The following HCLS1 variants were observed in gnomAD, a reference collection of about 807,000 sequenced individuals.
The protein encoded by HCLS1 is hematopoietic lineage cell-specific protein.
A neutral mutation model predicts 68.6 loss-of-function variants in HCLS1; 44 were observed. That is an observed-to-expected ratio of 0.64 (90% CI 0.50 to 0.82). HCLS1 has a LOEUF of 0.82. Among genes scored for constraint, HCLS1 ranks in the 40% least tolerant of loss-of-function variants. The probability of loss-of-function intolerance (pLI) is 0.00; values close to 1 mark genes in which losing one functional copy is unlikely to be tolerated. For missense variants in HCLS1, 602 were observed against 612.1 expected (o/e 0.98, Z 0.17); for synonymous variants, 217 against 225.8 (o/e 0.96, Z 0.35).
At position 121,632,104 on chromosome 3, in the gene HCLS1, C is replaced by T; in HGVS notation, c.1321G>A (p.Gly441Arg). ...ISAVAVYDYQ[G>R]EGSDELSFDP... Reference sequence around the variant, plus strand: ...CCTCGGGCCACTCCCAACCTACCTCCTTGGTAATCATATACAGCCACAGCT... The same window carrying T: ...CCTCGGGCCACTCCCAACCTACCTCTTTGGTAATCATATACAGCCACAGCT... Residue 441 changes from glycine (G) to arginine (R), a missense_variant, in exon 13 of 14, where the codon GGA becomes AGA. Transcript: ENST00000314583. 3.1e-6 allele frequency: 5 copies of T among 1,614,058 alleles called. No homozygotes were observed. Among genetic ancestry groups the T allele is most frequent in the Non-Finnish European group, 4.2e-6 (5 of 1,179,990 alleles).
rs768758074 is a variant in HCLS1, at chr3:121,631,927, C to T, written c.1380G>A (p.Met460Ile). The change falls in exon 14 of 14, where the codon ATG (methionine) becomes ATA (isoleucine). Residue 460 changes from methionine to isoleucine, a missense_variant. By Grantham distance (10) the Met-to-Ile change is conservative (BLOSUM62 1). Coordinates refer to ENST00000314583, the MANE Select transcript of HCLS1 (RefSeq NM_005335.6). ...DPDDVITDIE[M>I]VDEGWWRGRC... ...GTCCCCGCCACCAGCCCTCGTCCAC[C>T]ATCTCAATGTCAGTGATTACGTCGT... 5.0e-6 allele frequency: 8 copies of T among 1,614,214 alleles called. No individual in the cohort carries two copies. Among genetic ancestry groups the T allele is most frequent in the Middle Eastern group, 1.6e-4 (1 of 6,062 alleles).
intron 3 of HCLS1, among the ~76,000 whole-genome samples, chr3:121,655,287 G>A (rs1479152838): frequency 6.6e-6 from 1 of 151,950 alleles, no homozygotes; most frequent in Non-Finnish European, 1.5e-5. Flanking sequence ...ATTTTAGAAA[G>A]GAAATCTGAT....
chr3:121,649,725 G>A (rs150308839), intron 3 of HCLS1, among the ~76,000 whole-genome samples: 2 of 152,294 alleles, frequency 1.3e-5, no homozygotes, highest in African/African-American at 4.8e-5. Flanking sequence ...AGAAACTTTT[G>A]ACATATTAAC....
In HCLS1 at chr3:121,658,330, C is replaced by T; in HGVS notation, c.18G>A (p.Val6=). 15 of 1,613,490 alleles carry T rather than the reference C, an allele frequency of 9.3e-6. No individual in the cohort carries two copies. Among genetic ancestry groups the T allele is most frequent in the Non-Finnish European group, 1.3e-5 (15 of 1,179,524 alleles). The change falls in exon 2 of 14, where the codon GTG becomes GTA. Residue 6 remains valine (V), a synonymous_variant. Transcript: ENST00000314583. ...CCACGGAAACAGACACATCATGGCC[C>T]ACTACAGACTTCCACATCTGAGAGT... MWKSV[V]GHDVSVSVET...
At chr3:121,643,051 T>C (rs2107467579) in intron 5 of HCLS1, 70 bp from the exon 6 acceptor site, 1 of 1,256,792 alleles carries the variant, frequency 8.0e-7, no homozygotes, top group African/African-American at 1.5e-5. Flanking sequence ...AACCTCCCCT[T>C]ACTCCCAGCC....
At position 121,636,594 on chromosome 3, in the gene HCLS1, A is replaced by C. The variant is rs1042396043; in HGVS notation, c.566-105T>G. Reference sequence around the variant, plus strand: ...CAGGAATGTGGAAAACAAATGTAGGAGGAAATGTGAGAATCAGAGGATAGA... The same window carrying C: ...CAGGAATGTGGAAAACAAATGTAGGCGGAAATGTGAGAATCAGAGGATAGA... On this transcript the variant is annotated intron_variant, in intron 7 of 13. Transcript: ENST00000314583. 4 of 860,754 alleles carry C rather than the reference A, an allele frequency of 4.6e-6. No individual in the cohort carries two copies. The African/African-American group carries it at 6.6e-5, about 14-fold the overall frequency. 53.3% of individuals were successfully genotyped at this position (860,754 alleles called of 1,614,324 possible).
intron 3 of HCLS1, among the ~76,000 whole-genome samples, chr3:121,651,430 T>C (rs1391419619): frequency 6.6e-6 from 1 of 152,134 alleles, no homozygotes; most frequent in Non-Finnish European, 1.5e-5. Flanking sequence ...GTTGTTGTTG[T>C]TGTTGTTTTG....
In HCLS1 at chr3:121,657,151, C is replaced by A. The variant is rs1402379590; in HGVS notation, c.158+128G>T. On this transcript the variant is annotated intron_variant, in intron 3 of 13. Transcript: ENST00000314583. The stretch of plus-strand genomic sequence containing the variant: ...ACAGGAACAGACTCTAGAAAAAAAA[C>A]AAACACAATAATACATAGACATGAA... 1.2e-5 allele frequency: 9 copies of A among 730,264 alleles called. No individual in the cohort carries two copies. The Middle Eastern group carries it at 1.7e-3, about 141-fold the overall frequency. The allele number at this position is 730,264 out of a possible 1,614,324, so 45.2% of individuals were successfully genotyped here.
At chr3:121,646,868 A>G (rs545313596) in intron 4 of HCLS1, among the ~76,000 whole-genome samples, 40 of 143,842 alleles carry the variant, frequency 2.8e-4, no homozygotes, top group African/African-American at 9.3e-4. Flanking sequence ...ATACTTATAT[A>G]TAGTTGGCTC....
At chr3:121,659,133 G>C (rs1576223705) in intron 1 of HCLS1, among the ~76,000 whole-genome samples, 1 of 152,212 alleles carries the variant, frequency 6.6e-6, no homozygotes, top group Non-Finnish European at 1.5e-5. Flanking sequence ...TGAACATTAA[G>C]AGGTACTCAG....
At chr3:121,642,198 A>G (rs1232845004) in intron 6 of HCLS1, among the ~76,000 whole-genome samples, 1 of 147,598 alleles carries the variant, frequency 6.8e-6, no homozygotes, top group Non-Finnish European at 1.5e-5. Flanking sequence ...GGTGGCTCAC[A>G]CCTATAATCC....
Position 121,658,266 on chromosome 3 carries a change from C to T in HCLS1, c.82G>A (p.Val28Met), listed in dbSNP as rs748843375. Residue 28 changes from valine (V) to methionine (M), a missense_variant and splice_region_variant, in exon 2 of 14, where the codon GTG becomes ATG. Physicochemically the swap from Val to Met is conservative, Grantham distance 21. Coordinates refer to ENST00000314583, the MANE Select transcript of HCLS1 (RefSeq NM_005335.6). ...GDDWDTDPDF[V>M]NDISEKEQRW... ...AGCAAAGCTACTTCCAAACTCACCA[C>T]AAAGTCAGGATCTGTGTCCCAATCA... The T allele has an allele frequency of 1.2e-6, 2 of 1,613,302 alleles. No individual in the cohort carries two copies. Among genetic ancestry groups the T allele is most frequent in the East Asian group, 2.2e-5 (1 of 44,870 alleles).
chr3:121,633,639 A>C (rs1377824397), intron 10 of HCLS1, among the ~76,000 whole-genome samples: 1 of 152,032 alleles, frequency 6.6e-6, no homozygotes, highest in Non-Finnish European at 1.5e-5. Context: ...TTGGGCTCAA[A>C]CAATCCTCCT....
At chr3:121,647,078 T>C (rs372553631) in intron 4 of HCLS1, among the ~76,000 whole-genome samples, 9 of 150,044 alleles carry the variant, frequency 6.0e-5, no homozygotes, top group South Asian at 2.1e-4. Context: ...GCCTCCCAGG[T>C]TCACGCCATT....
At chr3:121,644,761 G>T in intron 5 of HCLS1, 57 bp downstream of exon 5, 1 of 1,199,128 alleles carries the variant, frequency 8.3e-7, no homozygotes, top group Non-Finnish European at 1.2e-6. Context: ...AGGGGTGATC[G>T]TGGGCAATTT....
chr3:121,659,216 G>A (rs1157522071), intron 1 of HCLS1, among the ~76,000 whole-genome samples: 4 of 152,188 alleles, frequency 2.6e-5, no homozygotes, highest in African/African-American at 4.8e-5. Flanking sequence ...AACTTATTCT[G>A]CTGGGGCATT....
Position 121,642,972 on chromosome 3 carries a change from C to T in HCLS1, c.409G>A (p.Gly137Ser), listed in dbSNP as rs565653779. 252 of 1,612,792 alleles carry T rather than the reference C, an allele frequency of 1.6e-4. 2 individuals carry two copies. In the South Asian group the frequency reaches 2.6e-3, roughly 17 times the overall value. The change falls in exon 6 of 14, where the codon GGC (glycine) becomes AGC (serine). Residue 137 changes from glycine to serine, a missense_variant. By Grantham distance (56) the Gly-to-Ser change is moderately conservative (BLOSUM62 0). Transcript: ENST00000314583. The stretch of plus-strand genomic sequence containing the variant: ...TCCACTTCTCCTTTATAATCAAAGC[C>T]GACTGCTGACTACAGAGAAGAGGAG... ...ERDRADKSAV[G>S]FDYKGEVEKH...
chr3:121,654,157 G>A (rs1937812177), intron 3 of HCLS1: 1 of 152,082 alleles, frequency 6.6e-6, no homozygotes, highest in African/African-American at 2.4e-5. Flanking sequence ...GAGGTGGGAG[G>A]TCACTATATT....
At position 121,632,166 on chromosome 3, in the gene HCLS1, G is replaced by GCCCCAC; in HGVS notation, c.1258_1259insGTGGGG (p.Pro419_Ala420insGlyGly). The stretch of plus-strand genomic sequence containing the variant: ...AGCCACAGCCCCAGCCCCAGCCCCA[G>GCCCCAC]CCGGGCAGCCTGATGATCCTGCATA... On this transcript the variant is annotated inframe_insertion, in exon 13 of 14. Coordinates refer to ENST00000314583, the MANE Select transcript of HCLS1 (RefSeq NM_005335.6). The GCCCCAC allele has an allele frequency of 6.2e-7, 1 of 1,614,032 alleles. No individual in the cohort carries two copies. The highest frequency in any genetic ancestry group is 8.5e-7 in the Non-Finnish European group (1 of 1,180,002).
Sources: gnomAD v4.1 joint callset for allele counts (sites outside exome capture counted in the v4.1 genomes callset) on GRCh38, gnomAD v4.1.1 for gene constraint, MANE v1.5 for transcripts, NCBI Gene and HGNC (gene_info 2026-07-23, HGNC 2026-07-21) for gene names.